Variants in CTNNA3 observed in about 807,000 individuals in gnomAD.
CTNNA3 encodes catenin alpha 3.
In CTNNA3, 76 loss-of-function variants were observed where a neutral mutation model predicts 95.7. The ratio of observed to expected loss-of-function variants is 0.79; its 90% CI spans 0.66 to 0.96. The LOEUF is 0.96. Among genes scored for constraint, CTNNA3 ranks in the 40% least tolerant of loss-of-function variants. The pLI, the probability that CTNNA3 is intolerant of heterozygous loss-of-function variation, is 0.00. For missense variants in CTNNA3, 1,191 were observed against 1,089.8 expected (o/e 1.09, Z -1.31); for synonymous variants, 431 against 374.4 (o/e 1.15, Z -1.74).
At chr10:67,219,521 C>T (rs906252910) in intron 6 of CTNNA3, 86 bp downstream of exon 6, 91 of 1,416,096 alleles carry the variant, frequency 6.4e-5, no homozygotes, top group South Asian at 7.9e-5. Context: ...ATGCTCTAAA[C>T]GCCAACATGT....
intron 7 of CTNNA3, among the ~76,000 whole-genome samples, chr10:67,089,949 A>C (rs1281043531): frequency 6.6e-6 from 1 of 152,088 alleles, no homozygotes; most frequent in Non-Finnish European, 1.5e-5. Flanking sequence ...TTTTACATAA[A>C]GAAAAAATTC....
intron 7 of CTNNA3, among the ~76,000 whole-genome samples, chr10:66,976,273 G>A (rs1850024544): frequency 6.6e-6 from 1 of 152,142 alleles, no homozygotes; most frequent in South Asian, 2.1e-4. Flanking sequence ...ACTAATATAG[G>A]GAATCAGGGA....
chr10:67,348,933 T>C (rs1450722943), intron 5 of CTNNA3, among the ~76,000 whole-genome samples: 1 of 152,116 alleles, frequency 6.6e-6, no homozygotes, highest in Non-Finnish European at 1.5e-5. Context: ...GAACAGACTA[T>C]GTCACAGTAT....
At chr10:66,587,378 T>A (rs1843394980) in intron 10 of CTNNA3, among the ~76,000 whole-genome samples, 1 of 152,114 alleles carries the variant, frequency 6.6e-6, no homozygotes. Context: ...TGGTAGAATT[T>A]GTGCTTGCTT....
At chr10:67,029,135 T>A (rs928354298) in intron 7 of CTNNA3, among the ~76,000 whole-genome samples, 1 of 152,200 alleles carries the variant, frequency 6.6e-6, no homozygotes, top group African/African-American at 2.4e-5. Context: ...CTGTTCAGCA[T>A]AATCACCTCT....
intron 11 of CTNNA3, among the ~76,000 whole-genome samples, chr10:66,413,194 C>T (rs1479265488): frequency 6.6e-6 from 1 of 152,102 alleles, no homozygotes; most frequent in Admixed American, 6.6e-5. Context: ...CATTACAAAC[C>T]TCTACTCTCC....
intron 7 of CTNNA3, among the ~76,000 whole-genome samples, chr10:66,909,574 C>T (rs529024919): frequency 1.3e-5 from 2 of 152,094 alleles, no homozygotes; most frequent in African/African-American, 2.4e-5. Flanking sequence ...AAATTTCCTT[C>T]AGAACAGGAA....
intron 9 of CTNNA3, among the ~76,000 whole-genome samples, chr10:66,701,473 T>C (rs1432802690): frequency 2.6e-5 from 4 of 152,204 alleles, no homozygotes; most frequent in African/African-American, 9.6e-5. Flanking sequence ...ACTGTTACAG[T>C]TTCAACACTG....
chr10:65,938,204 G>C (rs1476966284), intron 17 of CTNNA3, among the ~76,000 whole-genome samples: 1 of 152,120 alleles, frequency 6.6e-6, no homozygotes, highest in African/African-American at 2.4e-5. Flanking sequence ...TTGTATCCTG[G>C]AGTATTTGAT....
intron 9 of CTNNA3, among the ~76,000 whole-genome samples, chr10:66,641,115 T>G (rs1845502696): frequency 6.6e-6 from 1 of 152,170 alleles, no homozygotes; most frequent in Non-Finnish European, 1.5e-5. Flanking sequence ...AATGAAACTG[T>G]CATATAAGTG....
chr10:66,289,967 C>T (rs1251039122), intron 12 of CTNNA3, among the ~76,000 whole-genome samples: 1 of 152,022 alleles, frequency 6.6e-6, no homozygotes, highest in South Asian at 2.1e-4. Context: ...CACAATCATA[C>T]ATGCATTGTA....
At chr10:67,288,299 A>G (rs1221442879) in intron 5 of CTNNA3, among the ~76,000 whole-genome samples, 10 of 152,196 alleles carry the variant, frequency 6.6e-5, no homozygotes, top group Non-Finnish European at 1.5e-4. Flanking sequence ...CAACAACAGA[A>G]GCACAGATGA....
chr10:66,855,171 T>G (rs1340063128), intron 7 of CTNNA3, among the ~76,000 whole-genome samples: 1 of 151,982 alleles, frequency 6.6e-6, no homozygotes, highest in Non-Finnish European at 1.5e-5. Context: ...AACTAGGAAC[T>G]ATTTGGAAAC....
intron 12 of CTNNA3, among the ~76,000 whole-genome samples, chr10:66,361,403 A>C (rs1215375409): frequency 2.7e-4 from 29 of 108,548 alleles, no homozygotes; most frequent in East Asian, 8.4e-4. Flanking sequence ...CTTCCCTTCC[A>C]CTTCCACTTC....
At chr10:67,522,902 CTG>C (rs1286680691) in intron 4 of CTNNA3, among the ~76,000 whole-genome samples, 3 of 152,092 alleles carry the variant, frequency 2.0e-5, no homozygotes, top group Non-Finnish European at 2.9e-5. Context: ...TATTCTCACT[CTG>C]TGCCATTAGA....
chr10:66,897,322 G>T (rs1337271270), intron 7 of CTNNA3, among the ~76,000 whole-genome samples: 1 of 151,940 alleles, frequency 6.6e-6, no homozygotes. Context: ...GGATATCCAT[G>T]GGAAGAAAAG....
chr10:65,913,383 T>A lies in CTNNA3; in HGVS notation c.*6947A>T, dbSNP rs2076969162. The A allele has an allele frequency of 6.6e-6, 1 of 152,182 alleles. No homozygotes were observed. Among genetic ancestry groups the A allele is most frequent in the South Asian group, 2.1e-4 (1 of 4,836 alleles). 9.4% of individuals were successfully genotyped at this position (152,182 alleles called of 1,614,324 possible). ...TAGGTACTAAATTGGGCATAAAATA[T>A]GTCTACTTCTGTTTTCAGGAACTTG... On this transcript the variant is annotated 3_prime_UTR_variant, in exon 18 of 18. Coordinates refer to ENST00000433211, the MANE Select transcript of CTNNA3 (RefSeq NM_013266.4).
At chr10:66,743,974 C>CAAAAA (rs536825430) in intron 9 of CTNNA3, among the ~76,000 whole-genome samples, 18 of 44,976 alleles carry the variant, frequency 4.0e-4, no homozygotes, top group Admixed American at 8.9e-4. Flanking sequence ...GATTCCATCT[C>CAAAAA]AAAAAAAAAA....
chr10:66,209,181 A>G (rs947911004), intron 13 of CTNNA3, among the ~76,000 whole-genome samples: 3 of 152,172 alleles, frequency 2.0e-5, no homozygotes, highest in African/African-American at 7.2e-5. Flanking sequence ...CATTTCTGCC[A>G]TGAGTCACAC....
Sources: allele counts gnomAD v4.1 joint callset (sites outside exome capture counted in the v4.1 genomes callset), GRCh38; gene constraint gnomAD v4.1.1; transcripts MANE v1.5; gene names NCBI Gene and HGNC (gene_info 2026-07-23, HGNC 2026-07-21).